Variants in RIGI observed in about 807,000 individuals in gnomAD.
The protein encoded by RIGI is RNA sensor RIG-I.
chr9:32,473,301 T>TC, the RIGI span, among the ~76,000 whole-genome samples: 1 of 150,624 alleles, frequency 6.6e-6, no homozygotes, highest in Admixed American at 6.6e-5. Flanking sequence ...TTTTTTTTTT[T>TC]TTTTGAGATG....
At chr9:32,465,705 C>T in the RIGI span, among the ~76,000 whole-genome samples, 1 of 152,178 alleles carries the variant, frequency 6.6e-6, no homozygotes, top group African/African-American at 2.4e-5. Context: ...TCTCCCCTAG[C>T]CCTGCAGTGA....
At chr9:32,468,524 G>A in the RIGI span, among the ~76,000 whole-genome samples, 1 of 152,104 alleles carries the variant, frequency 6.6e-6, no homozygotes, top group African/African-American at 2.4e-5. Context: ...GAATTAGCTG[G>A]GCATGGTGGC....
the RIGI span, among the ~76,000 whole-genome samples, chr9:32,508,854 G>A: frequency 6.6e-6 from 1 of 152,170 alleles, no homozygotes; most frequent in Non-Finnish European, 1.5e-5. Context: ...CCACTAGCTT[G>A]AAATTCTCGC....
the RIGI span, chr9:32,498,288 C>T: frequency 2.2e-6 from 1 of 456,538 alleles, no homozygotes; most frequent in East Asian, 6.9e-5. Context: ...GAACATGGGT[C>T]CCATAGAAAG....
the RIGI span, chr9:32,500,932 C>T: frequency 3.7e-6 from 6 of 1,613,566 alleles, no homozygotes; most frequent in South Asian, 5.5e-5. Context: ...GAATATACTG[C>T]ACCTCTTCTA....
At chr9:32,525,943 AC>A in the RIGI span, 1 of 828,210 alleles carries the variant, frequency 1.2e-6, no homozygotes, top group African/African-American at 1.7e-5. Context: ...CGGAGATCTT[AC>A]CACAAACCTG....
At chr9:32,523,568 C>A in the RIGI span, among the ~76,000 whole-genome samples, 1 of 152,262 alleles carries the variant, frequency 6.6e-6, no homozygotes, top group African/African-American at 2.4e-5. Flanking sequence ...CACCACAACT[C>A]CCCAAGAGAC....
At chr9:32,484,521 G>T in the RIGI span, among the ~76,000 whole-genome samples, 2 of 152,056 alleles carry the variant, frequency 1.3e-5, no homozygotes, top group African/African-American at 4.8e-5. Context: ...GATGCCTGGG[G>T]GGAAATCAGC....
At chr9:32,464,212 G>C in the RIGI span, among the ~76,000 whole-genome samples, 1 of 151,476 alleles carries the variant, frequency 6.6e-6, no homozygotes, top group Admixed American at 6.6e-5. Context: ...TTTGCCCTCT[G>C]TTCTGCAGAG....
chr9:32,518,021 A>G, the RIGI span, among the ~76,000 whole-genome samples: 2 of 152,128 alleles, frequency 1.3e-5, no homozygotes, highest in Admixed American at 6.5e-5. Context: ...TAAAATACTA[A>G]TATCTGCTAG....
the RIGI span, chr9:32,457,003 T>C: frequency 2.6e-6 from 2 of 758,842 alleles, no homozygotes; most frequent in Non-Finnish European, 4.2e-6. Flanking sequence ...CTGCTAAAGA[T>C]ATTTTTAAAA....
At chr9:32,506,353 A>G in the RIGI span, among the ~76,000 whole-genome samples, 1 of 152,240 alleles carries the variant, frequency 6.6e-6, no homozygotes, top group East Asian at 1.9e-4. Flanking sequence ...ATTTCCCTCC[A>G]TAGCACTGAA....
chr9:32,469,097 G>A, the RIGI span, among the ~76,000 whole-genome samples: 3 of 152,170 alleles, frequency 2.0e-5, no homozygotes, highest in Non-Finnish European at 4.4e-5. Context: ...TGATGACAGA[G>A]CCATAACAAG....
chr9:32,476,342 T>C, the RIGI span, among the ~76,000 whole-genome samples: 10 of 151,936 alleles, frequency 6.6e-5, no homozygotes, highest in East Asian at 3.9e-4. Flanking sequence ...CAAAAATAAA[T>C]AAACAAATTA....
At chr9:32,522,479 A>C in the RIGI span, among the ~76,000 whole-genome samples, 1 of 152,188 alleles carries the variant, frequency 6.6e-6, no homozygotes, top group Non-Finnish European at 1.5e-5. Flanking sequence ...CTTTGACTGA[A>C]ATGGCCTTGT....
chr9:32,459,462 G>A, the RIGI span: 1 of 1,613,274 alleles, frequency 6.2e-7, no homozygotes, highest in Non-Finnish European at 8.5e-7. Context: ...TACAGGTTTT[G>A]GTTTTTCTTG....
At chr9:32,488,235 C>A in the RIGI span, 1 of 1,604,682 alleles carries the variant, frequency 6.2e-7, no homozygotes, top group East Asian at 2.2e-5. Flanking sequence ...ATATTACTAA[C>A]CACGATGTGG....
At chr9:32,463,889 C>CTTTTTTTTTTTTTTTTTATTAT in the RIGI span, among the ~76,000 whole-genome samples, 21 of 135,854 alleles carry the variant, frequency 1.5e-4, no homozygotes, top group African/African-American at 3.5e-4. Context: ...ATTCTGATTT[C>CTTTTTTTTTTTTTTTTTATTAT]AAATAAACCT....
At chr9:32,487,705 C>G in the RIGI span, 3 of 1,556,640 alleles carry the variant, frequency 1.9e-6, no homozygotes, top group Non-Finnish European at 2.6e-6. Context: ...TCATATAACT[C>G]TTTCCTGCTG....
Sources: allele counts gnomAD v4.1 joint callset (sites outside exome capture counted in the v4.1 genomes callset), GRCh38; gene constraint gnomAD v4.1.1; transcripts MANE v1.5; gene names NCBI Gene and HGNC (gene_info 2026-07-23, HGNC 2026-07-21).